BARD1: variants seen among roughly 807,000 people sequenced by gnomAD.
BARD1 encodes the protein BRCA1 associated RING domain 1.
In BARD1, 73 loss-of-function variants were observed where a neutral mutation model predicts 77.0. The ratio of observed to expected loss-of-function variants is 0.95; its 90% CI spans 0.79 to 1.15. The LOEUF (loss-of-function observed/expected upper bound fraction) is 1.15, where lower values mean the gene tolerates loss of function less well. BARD1 is among the 50% of genes most tolerant of loss of function. The probability of loss-of-function intolerance (pLI) is 0.00; values close to 1 mark genes in which losing one functional copy is unlikely to be tolerated. For missense variants in BARD1, 993 were observed against 938.8 expected (o/e 1.06, Z -0.75); for synonymous variants, 384 against 338.0 (o/e 1.14, Z -1.49).
chr2:214,793,065 A>C (rs556194530), intron 2 of BARD1, among the ~76,000 whole-genome samples: 8 of 152,146 alleles, frequency 5.3e-5, no homozygotes, highest in South Asian at 2.1e-4. Context: ...GATCCCCCCC[A>C]CAAGCCCATC....
intron 9 of BARD1, among the ~76,000 whole-genome samples, chr2:214,731,574 A>G (rs1340418499): frequency 6.6e-6 from 1 of 152,216 alleles, no homozygotes; most frequent in Non-Finnish European, 1.5e-5. Context: ...AAAAAATGAA[A>G]ACAATGTTTT....
intron 1 of BARD1, 95 bp downstream of exon 1, chr2:214,809,317 G>C (rs1696443338): frequency 6.5e-7 from 1 of 1,543,458 alleles, no homozygotes; most frequent in Admixed American, 1.8e-5. Context: ...CGCGGGAACG[G>C]AAGGAGGAAA....
At chr2:214,745,892 T>G (rs376740275) in intron 7 of BARD1, 38 bp from the exon 8 acceptor site, 16 of 1,608,772 alleles carry the variant, frequency 9.9e-6, no homozygotes, top group African/African-American at 1.3e-5. Flanking sequence ...TTAAAAACAT[T>G]AGACGACTAG....
At position 214,769,231 on chromosome 2, in the gene BARD1, C is replaced by G; in HGVS notation, c.1395+1G>C. On this transcript the variant is annotated splice_donor_variant, in intron 5 of 10. Transcript: ENST00000260947. LOFTEE classifies it high-confidence loss of function. ...AATGAGAATAAAAACCAGACAACTA[C>G]CAATGGTGTCCATCCAGCATGGTCT... The G allele has an allele frequency of 6.2e-7, 1 of 1,609,136 alleles. No individual in the cohort carries two copies. Among genetic ancestry groups the G allele is most frequent in the Non-Finnish European group, 8.5e-7 (1 of 1,175,514 alleles).
Position 214,726,039 on chromosome 2 carries a change from A to C in BARD1, c.*2637T>G. On this transcript the variant is annotated 3_prime_UTR_variant, in exon 11 of 11. Coordinates refer to ENST00000260947, the MANE Select transcript of BARD1 (RefSeq NM_000465.4). ...CTATTAAATTTACAAGGCAGGTGCA[A>C]AAAAAAAAAAAGGTGGGGGGACCGA... The C allele has an allele frequency of 1.1e-5, 2 of 185,534 alleles. No individual in the cohort carries two copies. Among genetic ancestry groups the C allele is most frequent in the Admixed American group, 6.3e-5 (1 of 15,900 alleles). 11.5% of individuals were successfully genotyped at this position (185,534 alleles called of 1,614,324 possible).
At chr2:214,740,666 T>C (rs1227480821) in intron 9 of BARD1, among the ~76,000 whole-genome samples, 1 of 152,054 alleles carries the variant, frequency 6.6e-6, no homozygotes, top group Non-Finnish European at 1.5e-5. Context: ...AGAGAGTATC[T>C]TCAGGCATTT....
intron 2 of BARD1, among the ~76,000 whole-genome samples, chr2:214,793,300 C>T (rs553798580): frequency 1.3e-5 from 2 of 152,244 alleles, no homozygotes; most frequent in East Asian, 3.9e-4. Flanking sequence ...ATTCTTGTAT[C>T]CTTGGCTTCT....
intron 9 of BARD1, among the ~76,000 whole-genome samples, chr2:214,732,698 C>G (rs1401221029): frequency 7.2e-5 from 11 of 152,070 alleles, no homozygotes; most frequent in Non-Finnish European, 1.2e-4. Flanking sequence ...CCTTGCTGAC[C>G]TATAATGATT....
chr2:214,747,299 G>C (rs1462613485), intron 7 of BARD1, among the ~76,000 whole-genome samples: 1 of 150,668 alleles, frequency 6.6e-6, no homozygotes, highest in Non-Finnish European at 1.5e-5. Flanking sequence ...TCAGTGTGGC[G>C]ATTCCTCAGG....
intron 1 of BARD1, among the ~76,000 whole-genome samples, chr2:214,805,162 G>GA (rs1018747591): frequency 6.6e-5 from 10 of 152,186 alleles, no homozygotes; most frequent in Non-Finnish European, 1.0e-4. Context: ...CTCCGTCTCA[G>GA]AAAAAAGAAA....
chr2:214,802,869 T>C (rs1696086868), intron 1 of BARD1, among the ~76,000 whole-genome samples: 1 of 152,168 alleles, frequency 6.6e-6, no homozygotes, highest in African/African-American at 2.4e-5. Context: ...TAACTTTACA[T>C]GTAGTTGATT....
intron 9 of BARD1, among the ~76,000 whole-genome samples, chr2:214,739,651 G>A (rs1020665316): frequency 6.6e-6 from 1 of 151,938 alleles, no homozygotes; most frequent in Non-Finnish European, 1.5e-5. Flanking sequence ...AACTTCCATA[G>A]CGAAAAGTGA....
chr2:214,730,973 T>C (rs1692329041), intron 9 of BARD1: 1 of 452,948 alleles, frequency 2.2e-6, no homozygotes, highest in African/African-American at 2.0e-5. Flanking sequence ...TGATTTGACA[T>C]GAAGGAATGT....
At chr2:214,777,264 G>A (rs558169658) in intron 4 of BARD1, among the ~76,000 whole-genome samples, 1 of 152,296 alleles carries the variant, frequency 6.6e-6, no homozygotes, top group South Asian at 2.1e-4. Flanking sequence ...CTGCCAGTAG[G>A]GTGGTAGCTA....
chr2:214,744,957 A>C (rs1693028605), intron 9 of BARD1, 110 bp downstream of exon 9: 1 of 1,006,568 alleles, frequency 9.9e-7, no homozygotes. Flanking sequence ...TGCAGTGACT[A>C]ACCAGAGGTA....
chr2:214,726,652 A>C lies in BARD1; in HGVS notation c.*2024T>G. ...GTATATGGAAACACAAATAACTTTA[A>C]TGATTTGTGGTAAAAAAGAAGGAAG... On this transcript the variant is annotated 3_prime_UTR_variant, in exon 11 of 11. Transcript: ENST00000260947. 4.3e-6 allele frequency: 1 copy of C among 230,168 alleles called. No individual in the cohort carries two copies. Among genetic ancestry groups the C allele is most frequent in the Non-Finnish European group, 8.6e-6 (1 of 116,158 alleles). 14.3% of individuals were successfully genotyped at this position (230,168 alleles called of 1,614,324 possible).
intron 9 of BARD1, among the ~76,000 whole-genome samples, chr2:214,743,169 CA>C (rs1292612268): frequency 6.6e-6 from 1 of 151,966 alleles, no homozygotes; most frequent in Non-Finnish European, 1.5e-5. Flanking sequence ...ACAAGCATCA[CA>C]AAAAAAGAAG....
At chr2:214,737,051 G>C (rs1692597895) in intron 9 of BARD1, among the ~76,000 whole-genome samples, 1 of 152,076 alleles carries the variant, frequency 6.6e-6, no homozygotes, top group Admixed American at 6.6e-5. Context: ...TAAAGTTGCT[G>C]TTATAGCATA....
At chr2:214,740,935 G>A (rs1692796019) in intron 9 of BARD1, among the ~76,000 whole-genome samples, 1 of 151,810 alleles carries the variant, frequency 6.6e-6, no homozygotes, top group African/African-American at 2.4e-5. Context: ...AGTCTGTATA[G>A]AATAAAAGTT....
Sources: allele counts gnomAD v4.1 joint callset (sites outside exome capture counted in the v4.1 genomes callset), GRCh38; gene constraint gnomAD v4.1.1; transcripts MANE v1.5; gene names NCBI Gene and HGNC (gene_info 2026-07-23, HGNC 2026-07-21).